The following PARVA variants were observed in gnomAD, a reference collection of about 807,000 sequenced individuals.
PARVA encodes the protein parvin alpha, also known as alpha-parvin.
PARVA carries 25 observed loss-of-function variants against 52.6 expected under a neutral mutation model. The observed-to-expected ratio is 0.48, with a 90% CI of 0.35 to 0.66. The LOEUF (loss-of-function observed/expected upper bound fraction) is 0.66, where lower values mean the gene tolerates loss of function less well. PARVA is among the 30% of genes least tolerant of loss of function. The probability of loss-of-function intolerance (pLI) is 0.01; values close to 1 mark genes in which losing one functional copy is unlikely to be tolerated. For synonymous variants in PARVA, 185 were observed against 179.1 expected (o/e 1.03, Z -0.26); for missense variants, 373 against 450.9 (o/e 0.83, Z 1.56).
chr11:12,412,756 G>A (rs1340966232), intron 1 of PARVA, among the ~76,000 whole-genome samples: 1 of 152,188 alleles, frequency 6.6e-6, no homozygotes, highest in African/African-American at 2.4e-5. Flanking sequence ...AAATGGTCTT[G>A]TTATATGCGC....
chr11:12,504,774 G>GGTGTGTGTGTGTGTGT (rs58878351), intron 6 of PARVA, among the ~76,000 whole-genome samples: 15 of 149,346 alleles, frequency 1.0e-4, no homozygotes, highest in African/African-American at 2.0e-4. Flanking sequence ...AAGGTATGTG[G>GGTGTGTGTGTGTGTGT]GTGTGTGTGT....
chr11:12,482,969 G>A (rs888872638), intron 4 of PARVA, among the ~76,000 whole-genome samples: 1 of 152,242 alleles, frequency 6.6e-6, no homozygotes, highest in African/African-American at 2.4e-5. Flanking sequence ...AGCCTGAACA[G>A]GTGAGCGTCC....
intron 1 of PARVA, among the ~76,000 whole-genome samples, chr11:12,449,125 C>CATTT (rs560178447): frequency 0.014 from 2,185 of 151,502 alleles, 38 homozygotes; most frequent in African/African-American, 0.042. Context: ...CCAAAAGGGG[C>CATTT]ATTTATTTAT....
Position 12,528,137 on chromosome 11 carries a change from A to C in PARVA, c.*212A>C, listed in dbSNP as rs574246170. 2.5e-4 allele frequency: 136 copies of C among 543,076 alleles called. 2 individuals carry two copies. The South Asian group carries it at 3.6e-3, about 14-fold the overall frequency. 33.6% of individuals were successfully genotyped at this position (543,076 alleles called of 1,614,324 possible). On this transcript the variant is annotated 3_prime_UTR_variant, in exon 13 of 13. Transcript: ENST00000334956. ...CATCCCTCCCAGGCGCTGGGGACCA[A>C]CCTAGCAATGAAGGTTGGGAAGGTT...
intron 1 of PARVA, among the ~76,000 whole-genome samples, chr11:12,388,805 A>C (rs879666575): frequency 1.3e-5 from 2 of 152,058 alleles, no homozygotes; most frequent in Non-Finnish European, 2.9e-5. Context: ...CTTATTAAAC[A>C]CAATTTTATA....
At chr11:12,406,815 C>T (rs1371790593) in intron 1 of PARVA, among the ~76,000 whole-genome samples, 2 of 151,868 alleles carry the variant, frequency 1.3e-5, no homozygotes, top group African/African-American at 4.8e-5. Flanking sequence ...GGACTACAGG[C>T]ACCCGCCACC....
At chr11:12,412,877 A>G (rs1940010324) in intron 1 of PARVA, among the ~76,000 whole-genome samples, 1 of 152,204 alleles carries the variant, frequency 6.6e-6, no homozygotes, top group Non-Finnish European at 1.5e-5. Flanking sequence ...CAAAAGTATC[A>G]CTGAGAAGTT....
chr11:12,377,514 G>A (rs900951691), upstream of PARVA: 4 of 1,421,578 alleles, frequency 2.8e-6, no homozygotes, highest in Non-Finnish European at 3.8e-6. Flanking sequence ...AAAGGCGAGC[G>A]TGAGCTGCCT....
intron 1 of PARVA, among the ~76,000 whole-genome samples, chr11:12,388,585 T>C (rs111395331): frequency 1.5e-4 from 23 of 152,224 alleles, no homozygotes; most frequent in African/African-American, 5.5e-4. Flanking sequence ...AGCCCATGCT[T>C]ACGGGATTTA....
At chr11:12,527,740 A>G (rs916495354) in intron 12 of PARVA, 109 bp from the exon 13 acceptor site, 26 of 840,530 alleles carry the variant, frequency 3.1e-5, no homozygotes, top group Non-Finnish European at 5.4e-5. Flanking sequence ...TGCCCCGAAC[A>G]TGCTGGGTAC....
chr11:12,513,386 CAG>C (rs1941527608), intron 9 of PARVA, 26 bp downstream of exon 9: 1 of 1,598,416 alleles, frequency 6.3e-7, no homozygotes, highest in Non-Finnish European at 8.6e-7. Flanking sequence ...CTGGGATGGA[CAG>C]AGGGAAGCGA....
At chr11:12,477,975 A>G (rs1437373320) in intron 4 of PARVA, 26 bp downstream of exon 4, 2 of 1,244,506 alleles carry the variant, frequency 1.6e-6, no homozygotes, top group Admixed American at 3.4e-5. Flanking sequence ...GCTGCAATGG[A>G]TGTGTGTTTA....
intron 1 of PARVA, among the ~76,000 whole-genome samples, chr11:12,443,703 C>G (rs565633335): frequency 1.2e-4 from 19 of 152,252 alleles, no homozygotes; most frequent in African/African-American, 4.1e-4. Flanking sequence ...TAGTGGATAT[C>G]AGATGGGAAC....
At chr11:12,448,143 G>A (rs1466579672) in intron 1 of PARVA, among the ~76,000 whole-genome samples, 1 of 152,128 alleles carries the variant, frequency 6.6e-6, no homozygotes, top group Non-Finnish European at 1.5e-5. Context: ...CCTTACAGTA[G>A]AGATAACCAA....
intron 1 of PARVA, among the ~76,000 whole-genome samples, chr11:12,394,144 A>G (rs1178689585): frequency 1.3e-5 from 2 of 152,208 alleles, no homozygotes; most frequent in Non-Finnish European, 2.9e-5. Flanking sequence ...CAGATGAGGA[A>G]GCTGAAGCAG....
chr11:12,489,230 T>C (rs1376403478), intron 4 of PARVA, among the ~76,000 whole-genome samples: 1 of 150,418 alleles, frequency 6.6e-6, no homozygotes, highest in Non-Finnish European at 1.5e-5. Context: ...GTTTAATATG[T>C]CAAAATAAAT....
chr11:12,513,290 C>A lies in PARVA; in HGVS notation c.737-9C>A. ...CTTGTGCTCCACATTGTGTTTCCCTCTTTTTCAGAACGTGATGCCTTTGAC... is the reference window on the plus strand; with the variant it reads ...CTTGTGCTCCACATTGTGTTTCCCTATTTTTCAGAACGTGATGCCTTTGAC... On this transcript the variant is annotated splice_polypyrimidine_tract_variant and intron_variant, in intron 8 of 12. Coordinates refer to ENST00000334956, the MANE Select transcript of PARVA (RefSeq NM_018222.5). 6.2e-7 allele frequency: 1 copy of A among 1,613,288 alleles called. No homozygotes were observed. Among genetic ancestry groups the A allele is most frequent in the Non-Finnish European group, 8.5e-7 (1 of 1,179,306 alleles).
intron 1 of PARVA, among the ~76,000 whole-genome samples, chr11:12,441,266 A>G (rs944622281): frequency 2.6e-5 from 4 of 152,168 alleles, no homozygotes. Flanking sequence ...GACTATAGAG[A>G]TGCAAAAGAT....
chr11:12,453,324 C>T (rs551013271), intron 1 of PARVA, among the ~76,000 whole-genome samples: 3 of 152,184 alleles, frequency 2.0e-5, no homozygotes, highest in African/African-American at 7.2e-5. Context: ...AAAAGCTCTA[C>T]CTAAGTTTAC....
Sources: gnomAD v4.1 joint callset for allele counts (sites outside exome capture counted in the v4.1 genomes callset) on GRCh38, gnomAD v4.1.1 for gene constraint, MANE v1.5 for transcripts, NCBI Gene and HGNC (gene_info 2026-07-23, HGNC 2026-07-21) for gene names.